Variants in STRN observed in about 807,000 individuals in gnomAD.
The protein encoded by STRN is protein phosphatase 2 regulatory subunit B'''alpha.
Under a neutral mutation model 96.3 loss-of-function variants are expected in STRN, and 53 were observed. The observed-to-expected ratio is 0.55, with a 90% CI of 0.44 to 0.69. The LOEUF (loss-of-function observed/expected upper bound fraction) is 0.69. Ranked by LOEUF, STRN falls within the 30% of genes least tolerant of loss-of-function variation. The pLI, the probability that STRN is intolerant of heterozygous loss-of-function variation, is 0.00. For synonymous variants in STRN, 428 were observed against 355.9 expected, an observed-to-expected ratio of 1.20 and a Z score of -2.28; for missense variants, 987 against 963.9, an observed-to-expected ratio of 1.02 and a Z score of -0.32.
rs1572610238 is a variant in STRN at position 36,837,710 on chromosome 2, G to C, written c.*11746C>G. On this transcript the variant is annotated 3_prime_UTR_variant, in exon 18 of 18. Coordinates refer to ENST00000263918, the MANE Select transcript of STRN (RefSeq NM_003162.4). Reference sequence around the variant, plus strand: ...CAATTCACTCAAGTGAAATTCAAAAGGCAAAGTTTTATTTGGAAAAAGTAC... The same window carrying C: ...CAATTCACTCAAGTGAAATTCAAAACGCAAAGTTTTATTTGGAAAAAGTAC... Among the ~76,000 whole-genome samples, 1 of 151,954 alleles carries C rather than the reference G, an allele frequency of 6.6e-6. No homozygotes were observed. Among genetic ancestry groups the C allele is most frequent in the East Asian group, 1.9e-4 (1 of 5,186 alleles).
Position 36,838,563 on chromosome 2 carries a change from T to C in STRN, c.*10893A>G, listed in dbSNP as rs966108319. 6.6e-6 allele frequency among the ~76,000 whole-genome samples: 1 copy of C among 152,188 alleles called. No homozygotes were observed. The highest frequency in any genetic ancestry group is 2.4e-5 in the African/African-American group (1 of 41,434). Reference sequence around the variant, plus strand: ...TCTTTTTTCTACGTATTTTTTAATGTTACAATAGTTATTGCCATGAGTATT... The same window carrying C: ...TCTTTTTTCTACGTATTTTTTAATGCTACAATAGTTATTGCCATGAGTATT... On this transcript the variant is annotated 3_prime_UTR_variant, in exon 18 of 18. Coordinates refer to ENST00000263918, the MANE Select transcript of STRN (RefSeq NM_003162.4).
chr2:36,919,120 T>G (rs1243904073), intron 2 of STRN, among the ~76,000 whole-genome samples: 3 of 152,140 alleles, frequency 2.0e-5, no homozygotes, highest in African/African-American at 7.2e-5. Flanking sequence ...TAAAAATAAT[T>G]TGATTAATTT....
Position 36,869,747 on chromosome 2 carries a change from C to A in STRN, c.1324-18G>T. 2 of 1,565,626 alleles carry A rather than the reference C, an allele frequency of 1.3e-6. No individual in the cohort carries two copies. The highest frequency in any genetic ancestry group is 1.7e-6 in the Non-Finnish European group (2 of 1,157,170). ...TTTGCTATCTATTAAAGAAACAAAACAAAGATATCTACACACTTAGTTAAG... is the reference window on the plus strand; with the variant it reads ...TTTGCTATCTATTAAAGAAACAAAAAAAAGATATCTACACACTTAGTTAAG... On this transcript the variant is annotated intron_variant, in intron 10 of 17. Transcript: ENST00000263918.
chr2:36,862,497 A>G (rs1027589369), intron 12 of STRN, among the ~76,000 whole-genome samples: 2 of 152,188 alleles, frequency 1.3e-5, no homozygotes, highest in Admixed American at 1.3e-4. Flanking sequence ...TTCTGTAATA[A>G]TAAGTGTTGT....
At chr2:36,937,904 T>C (rs1670747381) in intron 1 of STRN, among the ~76,000 whole-genome samples, 1 of 151,808 alleles carries the variant, frequency 6.6e-6, no homozygotes, top group South Asian at 2.1e-4. Context: ...TCATTACTAG[T>C]AAATAGTTCT....
chr2:36,946,790 C>T (rs1217649269), intron 1 of STRN, among the ~76,000 whole-genome samples: 1 of 152,130 alleles, frequency 6.6e-6, no homozygotes, highest in African/African-American at 2.4e-5. Flanking sequence ...AACTCAATTC[C>T]AAATAAGAAC....
At chr2:36,881,858 T>C (rs1669079424) in intron 9 of STRN, among the ~76,000 whole-genome samples, 1 of 152,234 alleles carries the variant, frequency 6.6e-6, no homozygotes, top group African/African-American at 2.4e-5. Flanking sequence ...CTAACTTTTC[T>C]CCTTATCTAG....
chr2:36,944,153 C>CAT (rs1196229311), intron 1 of STRN, among the ~76,000 whole-genome samples: 3 of 152,004 alleles, frequency 2.0e-5, no homozygotes, highest in African/African-American at 7.2e-5. Flanking sequence ...ATACTTAAAA[C>CAT]ATATATATAC....
At chr2:36,916,646 T>C (rs1306109473) in intron 2 of STRN, among the ~76,000 whole-genome samples, 1 of 152,140 alleles carries the variant, frequency 6.6e-6, no homozygotes, top group Non-Finnish European at 1.5e-5. Context: ...TACTGCACAA[T>C]CCAAGGGGGA....
At chr2:36,920,369 T>G (rs944627012) in intron 2 of STRN, among the ~76,000 whole-genome samples, 1 of 152,210 alleles carries the variant, frequency 6.6e-6, no homozygotes, top group Non-Finnish European at 1.5e-5. Context: ...CTGGGCGCGG[T>G]GGCTCACACC....
chr2:36,889,268 C>T (rs533820142), intron 7 of STRN, among the ~76,000 whole-genome samples: 4 of 151,942 alleles, frequency 2.6e-5, no homozygotes, highest in Non-Finnish European at 4.4e-5. Flanking sequence ...AGTTTCAATC[C>T]AGTTTAGAAA....
At chr2:36,862,682 C>T (rs1192993035) in intron 12 of STRN, among the ~76,000 whole-genome samples, 1 of 151,772 alleles carries the variant, frequency 6.6e-6, no homozygotes, top group Non-Finnish European at 1.5e-5. Flanking sequence ...TGTATGTCTT[C>T]TTTTGGAAAC....
Position 36,966,262 on chromosome 2 carries a change from C to G in STRN, c.202G>C (p.Ala68Pro). ...HEWARFEVER[A>P]QWEVERAELQ... ...TCCGCCCGCTCCACCTCCCACTGGG[C>G]TCTCTCCACCTCGAAGCGGGCCCAC... Residue 68 changes from alanine to proline, a missense_variant, in exon 1 of 18, where the codon GCC (alanine) becomes CCC (proline). By Grantham distance (27) the Ala-to-Pro change is conservative. Transcript: ENST00000263918. The G allele has an allele frequency of 6.3e-7, 1 of 1,586,842 alleles. No homozygotes were observed. The highest frequency in any genetic ancestry group is 8.6e-7 in the Non-Finnish European group (1 of 1,168,658).
intron 4 of STRN, among the ~76,000 whole-genome samples, 182 bp downstream of exon 4, chr2:36,905,358 G>T (rs563146861): frequency 6.6e-6 from 1 of 152,094 alleles, no homozygotes. Flanking sequence ...TTTTAACTAC[G>T]TAAGTTCTAC....
chr2:36,893,834 TG>T (rs1669466911), intron 7 of STRN, 63 bp downstream of exon 7: 5 of 1,522,386 alleles, frequency 3.3e-6, no homozygotes, highest in Non-Finnish European at 4.4e-6. Context: ...GTTGCCCTCC[TG>T]GTAAAATATT....
rs1669797532 is a variant in STRN, at chr2:36,905,502, T to C, written c.491+38A>G. On this transcript the variant is annotated intron_variant, in intron 4 of 17. Coordinates refer to ENST00000263918, the MANE Select transcript of STRN (RefSeq NM_003162.4). ...AATAACTTCATAAAACTGTTTCTTG[T>C]CTTCAGCCATTTATAAGTTTCACCA... The C allele has an allele frequency of 5.1e-6, 8 of 1,567,050 alleles. No homozygotes were observed. In the East Asian group the frequency reaches 1.1e-4, roughly 22 times the overall value.
intron 12 of STRN, among the ~76,000 whole-genome samples, chr2:36,862,572 C>A (rs1165828188): frequency 6.6e-6 from 1 of 151,994 alleles, no homozygotes; most frequent in Non-Finnish European, 1.5e-5. Context: ...TGTTCATGTT[C>A]TTTGCCCACT....
chr2:36,886,436 T>C (rs1233198804), intron 8 of STRN, among the ~76,000 whole-genome samples: 2 of 152,222 alleles, frequency 1.3e-5, no homozygotes, highest in Non-Finnish European at 2.9e-5. Context: ...AATCAAATTA[T>C]CACTGTGTTT....
At chr2:36,935,538 C>T (rs767694841) in intron 1 of STRN, among the ~76,000 whole-genome samples, 6 of 152,154 alleles carry the variant, frequency 3.9e-5, no homozygotes, top group Non-Finnish European at 8.8e-5. Context: ...TATCTCATCC[C>T]AAACCAGATA....
Sources: allele counts gnomAD v4.1 joint callset (sites outside exome capture counted in the v4.1 genomes callset), GRCh38; gene constraint gnomAD v4.1.1; transcripts MANE v1.5; gene names NCBI Gene and HGNC (gene_info 2026-07-23, HGNC 2026-07-21).